LRMDA: variants seen among roughly 807,000 people sequenced by gnomAD.
LRMDA encodes the protein leucine-rich melanocyte differentiation-associated protein.
A neutral mutation model predicts 29.8 loss-of-function variants in LRMDA; 18 were observed. The ratio of observed to expected loss-of-function variants is 0.60; its 90% CI spans 0.42 to 0.90. The LOEUF (loss-of-function observed/expected upper bound fraction) is 0.90. Ranked by LOEUF, LRMDA falls within the 40% of genes least tolerant of loss-of-function variation. The pLI, the probability that LRMDA is intolerant of heterozygous loss-of-function variation, is 0.00. For missense variants in LRMDA, 273 were observed against 273.9 expected (o/e 1.00, Z 0.02); for synonymous variants, 125 against 109.4 (o/e 1.14, Z -0.89).
intron 5 of LRMDA, among the ~76,000 whole-genome samples, chr10:76,067,535 T>A (rs1589312138): frequency 1.3e-5 from 2 of 152,210 alleles, no homozygotes; most frequent in East Asian, 3.9e-4. Flanking sequence ...TTTAAAGTTA[T>A]CCATATTTAA....
intron 2 of LRMDA, among the ~76,000 whole-genome samples, chr10:75,613,903 A>G (rs1197665727): frequency 6.6e-6 from 1 of 152,204 alleles, no homozygotes; most frequent in Non-Finnish European, 1.5e-5. Flanking sequence ...TATTGACACC[A>G]TAGGTTGCCT....
At chr10:75,598,315 G>C (rs528747355) in intron 2 of LRMDA, among the ~76,000 whole-genome samples, 1 of 152,094 alleles carries the variant, frequency 6.6e-6, no homozygotes, top group African/African-American at 2.4e-5. Context: ...CTGTGTGCTC[G>C]TCTCTCCCTG....
rs1434793952 is a variant in LRMDA at position 75,631,710 on chromosome 10, G to A, written c.131+193216G>A. The stretch of plus-strand genomic sequence containing the variant: ...TGGCCATCAGCGCCACAGTGAAGTG[G>A]GCCTTCTTTGACTCGAAGTGACAGC... On this transcript the variant is annotated intron_variant, in intron 2 of 6. Coordinates refer to ENST00000611255, the MANE Select transcript of LRMDA (RefSeq NM_001305581.2). 3.3e-5 allele frequency among the ~76,000 whole-genome samples: 5 copies of A among 152,120 alleles called. No individual in the cohort carries two copies. The East Asian group carries it at 9.7e-4, about 29-fold the overall frequency.
intron 5 of LRMDA, among the ~76,000 whole-genome samples, chr10:76,164,830 G>A (rs1850710761): frequency 6.6e-6 from 1 of 152,028 alleles, no homozygotes; most frequent in Non-Finnish European, 1.5e-5. Context: ...CTGTAAAATT[G>A]GAGGCACCAC....
intron 5 of LRMDA, among the ~76,000 whole-genome samples, chr10:76,226,497 T>A (rs1223580240): frequency 1.3e-5 from 2 of 152,006 alleles, no homozygotes; most frequent in African/African-American, 4.8e-5. Flanking sequence ...GCAGGAGAAT[T>A]GCTTGAACTC....
At chr10:76,482,931 A>G (rs952023890) in intron 6 of LRMDA, among the ~76,000 whole-genome samples, 2 of 151,974 alleles carry the variant, frequency 1.3e-5, no homozygotes, top group African/African-American at 4.8e-5. Context: ...ATAATGTTCC[A>G]TATGAAGTGG....
chr10:75,459,636 A>G (rs1844561614), intron 2 of LRMDA, among the ~76,000 whole-genome samples: 1 of 152,248 alleles, frequency 6.6e-6, no homozygotes, highest in Admixed American at 6.5e-5. Flanking sequence ...AAACAGTGAA[A>G]CTATTCAGAT....
intron 2 of LRMDA, among the ~76,000 whole-genome samples, chr10:75,690,994 T>TACACAC (rs3041682): frequency 0.017 from 1,738 of 99,992 alleles, 65 homozygotes; most frequent in East Asian, 0.12. Context: ...TATATATATA[T>TACACAC]ACACACACAC....
At chr10:75,984,898 G>T (rs1247044955) in intron 2 of LRMDA, among the ~76,000 whole-genome samples, 2 of 152,184 alleles carry the variant, frequency 1.3e-5, no homozygotes, top group African/African-American at 4.8e-5. Flanking sequence ...TTCAGAAAAT[G>T]AAGTGTCCAA....
chr10:76,487,953 G>A (rs1242551884), intron 6 of LRMDA, among the ~76,000 whole-genome samples: 1 of 151,882 alleles, frequency 6.6e-6, no homozygotes, highest in Non-Finnish European at 1.5e-5. Context: ...GGTAGAATGT[G>A]TGTGATAACA....
Position 75,996,713 on chromosome 10 carries a change from G to A in LRMDA, c.132-39295G>A, listed in dbSNP as rs559448105. 2.0e-3 allele frequency among the ~76,000 whole-genome samples: 297 copies of A among 151,294 alleles called. 3 individuals carry two copies. Among genetic ancestry groups the A allele is most frequent in the African/African-American group, 7.0e-3 (289 of 41,280 alleles). ...GAAGGACTATGATTTCTAAAATTAC[G>A]TGTTTTTTTTGTTTGTTTGGTGTTT... On this transcript the variant is annotated intron_variant, in intron 2 of 6. Transcript: ENST00000611255.
intron 2 of LRMDA, among the ~76,000 whole-genome samples, chr10:75,455,196 A>C (rs1280716611): frequency 6.6e-6 from 1 of 152,196 alleles, no homozygotes; most frequent in African/African-American, 2.4e-5. Flanking sequence ...GAGAGTGGGA[A>C]CTGCCCAGAA....
chr10:75,913,568 A>G (rs1298714164), intron 2 of LRMDA, among the ~76,000 whole-genome samples: 1 of 152,184 alleles, frequency 6.6e-6, no homozygotes, highest in South Asian at 2.1e-4. Flanking sequence ...CGTGTGCCTG[A>G]TAGAGAAGTG....
intron 2 of LRMDA, among the ~76,000 whole-genome samples, chr10:75,847,756 A>G (rs912477258): frequency 2.6e-5 from 4 of 152,236 alleles, no homozygotes; most frequent in African/African-American, 7.2e-5. Context: ...ATGATTCAAC[A>G]TCACTAATCA....
intron 2 of LRMDA, among the ~76,000 whole-genome samples, chr10:75,949,831 C>A (rs1846542264): frequency 6.6e-6 from 1 of 152,280 alleles, no homozygotes; most frequent in East Asian, 1.9e-4. Context: ...TCTCACCTCC[C>A]TTTTCTTCTG....
chr10:75,991,461 T>G (rs1208741365), intron 2 of LRMDA, among the ~76,000 whole-genome samples: 1 of 152,224 alleles, frequency 6.6e-6, no homozygotes, highest in Non-Finnish European at 1.5e-5. Flanking sequence ...GTTGAATCTC[T>G]ACATCTGTAA....
chr10:75,801,837 T>C (rs111536216), intron 2 of LRMDA, among the ~76,000 whole-genome samples: 2,313 of 152,304 alleles, frequency 0.015, 24 homozygotes, highest in Middle Eastern at 0.027. Flanking sequence ...AAGAAGCAGG[T>C]AGACCAGTTA....
chr10:76,334,590 A>G (rs1042073756), intron 6 of LRMDA, among the ~76,000 whole-genome samples: 2 of 152,148 alleles, frequency 1.3e-5, no homozygotes, highest in Middle Eastern at 3.2e-3. Context: ...TATTTACAGC[A>G]GTTTCTTTAT....
At chr10:75,522,992 A>G (rs1282546606) in intron 2 of LRMDA, among the ~76,000 whole-genome samples, 1 of 152,186 alleles carries the variant, frequency 6.6e-6, no homozygotes, top group Non-Finnish European at 1.5e-5. Context: ...CAGCAATCAG[A>G]TGACCTGGCC....
Sources: gnomAD v4.1 joint callset for allele counts (sites outside exome capture counted in the v4.1 genomes callset) on GRCh38, gnomAD v4.1.1 for gene constraint, MANE v1.5 for transcripts, NCBI Gene and HGNC (gene_info 2026-07-23, HGNC 2026-07-21) for gene names.